The following MARCHF3 variants were observed in gnomAD, a reference collection of about 807,000 sequenced individuals.
MARCHF3 encodes the protein membrane associated ring-CH-type finger 3.
In MARCHF3, 13 loss-of-function variants were observed where a neutral mutation model predicts 24.2. The observed-to-expected ratio is 0.54, with a 90% CI of 0.35 to 0.85. The LOEUF (loss-of-function observed/expected upper bound fraction) is 0.85. Ranked by LOEUF, MARCHF3 falls within the 40% of genes least tolerant of loss-of-function variation. The pLI, the probability that MARCHF3 is intolerant of heterozygous loss-of-function variation, is 0.01. For missense variants in MARCHF3, 276 were observed against 325.0 expected, an observed-to-expected ratio of 0.85 and a Z score of 1.16; for synonymous variants, 144 against 137.3, an observed-to-expected ratio of 1.05 and a Z score of -0.34.
intron 3 of MARCHF3, among the ~76,000 whole-genome samples, chr5:126,894,657 G>A (rs1413292912): frequency 3.9e-5 from 6 of 151,958 alleles, no homozygotes; most frequent in African/African-American, 7.3e-5. Context: ...CGAGAGATCC[G>A]CTGTTAGTCT....
At chr5:127,013,982 T>C (rs558323744) in intron 1 of MARCHF3, among the ~76,000 whole-genome samples, 53 of 152,230 alleles carry the variant, frequency 3.5e-4, no homozygotes, top group African/African-American at 1.2e-3. Flanking sequence ...CTTCAGGACA[T>C]TGGTCTGAGA....
intron 1 of MARCHF3, among the ~76,000 whole-genome samples, chr5:126,961,930 A>G (rs1368636353): frequency 6.6e-6 from 1 of 152,152 alleles, no homozygotes; most frequent in Non-Finnish European, 1.5e-5. Context: ...TGGTTGTTTC[A>G]CAACCCCAGT....
intron 3 of MARCHF3, among the ~76,000 whole-genome samples, chr5:126,895,158 C>T (rs567659390): frequency 6.6e-6 from 1 of 152,190 alleles, no homozygotes; most frequent in African/African-American, 2.4e-5. Context: ...TTTTCAGCTC[C>T]ATCAGCTCCT....
intron 1 of MARCHF3, among the ~76,000 whole-genome samples, chr5:127,017,010 A>G (rs1287942342): frequency 6.6e-6 from 1 of 152,210 alleles, no homozygotes; most frequent in Non-Finnish European, 1.5e-5. Flanking sequence ...AAACTATCAC[A>G]AGGATAGAAA....
At chr5:127,021,359 T>C (rs1225133307) in intron 1 of MARCHF3, among the ~76,000 whole-genome samples, 1 of 152,140 alleles carries the variant, frequency 6.6e-6, no homozygotes, top group African/African-American at 2.4e-5. Flanking sequence ...AAATTAACCA[T>C]TCCAGTCTAA....
chr5:126,910,068 G>A lies in MARCHF3; in HGVS notation c.393+4862C>T, dbSNP rs73335480. ...TTGTGTGTAGAGGAAATAGGAATAC[G>A]GAAACTTAATCACTTCTACTGTGAA... is the stretch of plus-strand genomic sequence containing the variant. On this transcript the variant is annotated intron_variant, in intron 3 of 4. Coordinates refer to ENST00000308660, the MANE Select transcript of MARCHF3 (RefSeq NM_178450.5). Among the ~76,000 whole-genome samples, 101 of 152,246 alleles carry A rather than the reference G, an allele frequency of 6.6e-4. 1 individual carries two copies. Among genetic ancestry groups the A allele is most frequent in the African/African-American group, 2.2e-3 (92 of 41,552 alleles).
chr5:126,993,525 T>C (rs1050279086), intron 1 of MARCHF3, among the ~76,000 whole-genome samples: 5 of 152,194 alleles, frequency 3.3e-5, no homozygotes, highest in African/African-American at 1.2e-4. Flanking sequence ...ATGCCATCAA[T>C]ACCCCAACAC....
At chr5:126,927,939 A>G (rs956746584) in intron 1 of MARCHF3, among the ~76,000 whole-genome samples, 6 of 152,216 alleles carry the variant, frequency 3.9e-5, no homozygotes, top group African/African-American at 1.4e-4. Context: ...ACTAAATAAT[A>G]TACAGAGGTC....
intron 1 of MARCHF3, among the ~76,000 whole-genome samples, chr5:126,943,751 G>C (rs1040901529): frequency 6.6e-6 from 1 of 151,934 alleles, no homozygotes; most frequent in Non-Finnish European, 1.5e-5. Context: ...GCAAGTAAAG[G>C]AGCAAAGCAA....
intron 3 of MARCHF3, among the ~76,000 whole-genome samples, chr5:126,900,668 C>T (rs778473856): frequency 1.3e-5 from 2 of 151,416 alleles, no homozygotes; most frequent in Admixed American, 6.6e-5. Flanking sequence ...GTGGAAAGAA[C>T]GTGGGCTTTG....
chr5:126,932,047 A>G (rs1488795168), intron 1 of MARCHF3, among the ~76,000 whole-genome samples: 2 of 152,272 alleles, frequency 1.3e-5, no homozygotes, highest in East Asian at 3.8e-4. Flanking sequence ...AGTGCCTAGC[A>G]CAAAGCTTAG....
chr5:127,004,129 A>C (rs868327438), intron 1 of MARCHF3, among the ~76,000 whole-genome samples: 1 of 152,202 alleles, frequency 6.6e-6, no homozygotes, highest in African/African-American at 2.4e-5. Context: ...CCTTTCACAA[A>C]TTCCAAAGGA....
At chr5:126,871,466 G>A (rs1752962390) in intron 4 of MARCHF3, among the ~76,000 whole-genome samples, 3 of 152,188 alleles carry the variant, frequency 2.0e-5, no homozygotes, top group African/African-American at 7.2e-5. Context: ...GGTGCCCACT[G>A]TGCCTCAAGC....
chr5:126,988,646 A>T (rs937999343), intron 1 of MARCHF3, among the ~76,000 whole-genome samples: 2 of 152,238 alleles, frequency 1.3e-5, no homozygotes, highest in Non-Finnish European at 1.5e-5. Context: ...AGGTACAAAG[A>T]TTATCACTAG....
At chr5:127,004,264 G>A (rs1752234007) in intron 1 of MARCHF3, among the ~76,000 whole-genome samples, 1 of 152,080 alleles carries the variant, frequency 6.6e-6, no homozygotes, top group African/African-American at 2.4e-5. Flanking sequence ...ACGGGGCTGT[G>A]CCTTTAGCAA....
intron 1 of MARCHF3, among the ~76,000 whole-genome samples, chr5:126,936,982 T>G (rs1749667774): frequency 1.3e-5 from 2 of 152,270 alleles, no homozygotes; most frequent in Non-Finnish European, 2.9e-5. Context: ...TTTGCCACGC[T>G]GCAGACTGGC....
At chr5:126,970,807 A>G (rs1217990030) in intron 1 of MARCHF3, among the ~76,000 whole-genome samples, 1 of 152,146 alleles carries the variant, frequency 6.6e-6, no homozygotes, top group Non-Finnish European at 1.5e-5. Context: ...TCATTTTCCT[A>G]CTTCCTGTCA....
At chr5:126,969,340 G>C (rs79387395) in intron 1 of MARCHF3, among the ~76,000 whole-genome samples, 30 of 152,278 alleles carry the variant, frequency 2.0e-4, no homozygotes, top group Non-Finnish European at 4.0e-4. Flanking sequence ...TTTTGCAGCA[G>C]ACAGCTGGGT....
intron 3 of MARCHF3, among the ~76,000 whole-genome samples, chr5:126,889,005 T>C (rs1753587633): frequency 6.6e-6 from 1 of 152,224 alleles, no homozygotes; most frequent in African/African-American, 2.4e-5. Context: ...CTTCAAGTGA[T>C]CCACCCGCCT....
Sources: gnomAD v4.1 joint callset for allele counts (sites outside exome capture counted in the v4.1 genomes callset) on GRCh38, gnomAD v4.1.1 for gene constraint, MANE v1.5 for transcripts, NCBI Gene and HGNC (gene_info 2026-07-23, HGNC 2026-07-21) for gene names.